MAMDC2: variants seen among roughly 807,000 people sequenced by gnomAD.
MAMDC2 encodes the protein MAM domain-containing protein 2.
Under a neutral mutation model 89.8 loss-of-function variants are expected in MAMDC2, and 57 were observed. That is an observed-to-expected ratio of 0.63 (90% confidence interval 0.51 to 0.79). The LOEUF is 0.79. Among genes scored for constraint, MAMDC2 ranks in the 30% least tolerant of loss-of-function variants. The pLI is 0.00. For missense variants in MAMDC2, 800 were observed against 820.6 expected, an observed-to-expected ratio of 0.97 and a Z score of 0.31; for synonymous variants, 313 against 293.4, an observed-to-expected ratio of 1.07 and a Z score of -0.68.
intron 6 of MAMDC2, among the ~76,000 whole-genome samples, chr9:70,130,431 C>T (rs765915081): frequency 6.6e-6 from 1 of 152,062 alleles, no homozygotes; most frequent in African/African-American, 2.4e-5. Context: ...TTCCATGCTG[C>T]GTCTTCTCAG....
chr9:70,060,134 C>T (rs60303481), intron 2 of MAMDC2, among the ~76,000 whole-genome samples: 1 of 152,110 alleles, frequency 6.6e-6, no homozygotes, highest in Non-Finnish European at 1.5e-5. Context: ...GTCTATCAAC[C>T]CTGCTGAACT....
At chr9:70,051,336 A>C (rs1826888853) in intron 2 of MAMDC2, among the ~76,000 whole-genome samples, 1 of 152,178 alleles carries the variant, frequency 6.6e-6, no homozygotes, top group African/African-American at 2.4e-5. Context: ...TCCTGGCCTG[A>C]TCCCTAATAA....
intron 2 of MAMDC2, among the ~76,000 whole-genome samples, chr9:70,044,978 G>A (rs1299579598): frequency 6.6e-6 from 1 of 152,230 alleles, no homozygotes; most frequent in African/African-American, 2.4e-5. Flanking sequence ...ACGGAGCACA[G>A]CTAATGATTG....
intron 11 of MAMDC2, among the ~76,000 whole-genome samples, chr9:70,171,413 T>C (rs1199077420): frequency 6.6e-6 from 1 of 151,946 alleles, no homozygotes; most frequent in Non-Finnish European, 1.5e-5. Flanking sequence ...GGCAGGAGGA[T>C]TGCTTGAGCC....
intron 11 of MAMDC2, among the ~76,000 whole-genome samples, chr9:70,208,878 A>G (rs2033288494): frequency 1.3e-5 from 2 of 152,266 alleles, no homozygotes; most frequent in Admixed American, 1.3e-4. Flanking sequence ...TTCTGTGTCT[A>G]TTGAGATAAT....
intron 11 of MAMDC2, among the ~76,000 whole-genome samples, chr9:70,184,266 G>T (rs957322759): frequency 1.3e-5 from 2 of 152,064 alleles, no homozygotes; most frequent in African/African-American, 4.8e-5. Flanking sequence ...AGTCTGATGG[G>T]CTTCCCTTTC....
chr9:70,044,535 C>A, intron 1 of MAMDC2, 49 bp from the exon 2 acceptor site: 1 of 1,461,810 alleles, frequency 6.8e-7, no homozygotes, highest in Non-Finnish European at 9.3e-7. Context: ...CGAGTTGGTG[C>A]AAAGGCTCCT....
chr9:70,112,434 A>G (rs1350255032), intron 4 of MAMDC2, among the ~76,000 whole-genome samples: 1 of 152,168 alleles, frequency 6.6e-6, no homozygotes, highest in East Asian at 1.9e-4. Context: ...AAAAACAGGG[A>G]ATTTTAGCAT....
intron 3 of MAMDC2, chr9:70,109,453 G>A (rs1044667084): frequency 2.6e-6 from 1 of 384,860 alleles, no homozygotes; most frequent in Admixed American, 4.4e-5. Context: ...AAAGACAGCT[G>A]ACTCTGAGCT....
In MAMDC2 at chr9:70,131,605, T is replaced by C. The variant is rs1249444025; in HGVS notation, c.987T>C (p.Asn329=). Reference sequence around the variant, plus strand: ...CATTCTCTCCTGTTCACTGCCAGAATCAGACAGGTGAGCATTCTCTATTTG... The same window carrying C: ...CATTCTCTCCTGTTCACTGCCAGAACCAGACAGGTGAGCATTCTCTATTTG... ...DISFSPVHCQ[N]QTELLFSAVE... Residue 329 remains asparagine (N), a synonymous_variant, in exon 7 of 14, where the codon AAT becomes AAC. Coordinates refer to ENST00000377182, the MANE Select transcript of MAMDC2 (RefSeq NM_153267.5). The C allele has an allele frequency of 6.2e-7, 1 of 1,606,636 alleles. No homozygotes were observed. The highest frequency in any genetic ancestry group is 1.3e-5 in the African/African-American group (1 of 74,614).
chr9:70,208,509 C>A (rs2033278489), intron 11 of MAMDC2, among the ~76,000 whole-genome samples: 2 of 152,250 alleles, frequency 1.3e-5, no homozygotes, highest in South Asian at 4.1e-4. Flanking sequence ...GCTGAAGTTG[C>A]TTATCAGCTT....
intron 11 of MAMDC2, among the ~76,000 whole-genome samples, chr9:70,200,791 G>A (rs1200659716): frequency 8.0e-5 from 12 of 150,684 alleles, no homozygotes; most frequent in Non-Finnish European, 1.5e-4. Context: ...TGGATTCCTA[G>A]GTATTGTATT....
chr9:70,208,582 G>A (rs184470546), intron 11 of MAMDC2, among the ~76,000 whole-genome samples: 1 of 152,168 alleles, frequency 6.6e-6, no homozygotes, highest in African/African-American at 2.4e-5. Flanking sequence ...TCTGCAAACA[G>A]GCACAATTTG....
chr9:70,044,509 T>C, intron 1 of MAMDC2, 75 bp from the exon 2 acceptor site: 1 of 1,180,066 alleles, frequency 8.5e-7, no homozygotes, highest in Non-Finnish European at 1.2e-6. Context: ...CACCAGGTAG[T>C]CCCCCTGGGG....
At chr9:70,155,343 A>C (rs796895564) in intron 9 of MAMDC2, among the ~76,000 whole-genome samples, 2 of 152,262 alleles carry the variant, frequency 1.3e-5, no homozygotes, top group African/African-American at 4.8e-5. Flanking sequence ...AAGGCATCCA[A>C]CACAAGCTCC....
intron 2 of MAMDC2, among the ~76,000 whole-genome samples, chr9:70,046,555 T>C (rs1296826663): frequency 6.6e-6 from 1 of 152,170 alleles, no homozygotes; most frequent in Non-Finnish European, 1.5e-5. Flanking sequence ...CTCTGGTCAG[T>C]GGGCATGCCA....
At chr9:70,204,094 G>T (rs2033165400) in intron 11 of MAMDC2, among the ~76,000 whole-genome samples, 1 of 151,998 alleles carries the variant, frequency 6.6e-6, no homozygotes, top group South Asian at 2.1e-4. Context: ...TTCTGTTGCT[G>T]GTGAGGAACT....
chr9:70,221,889 G>T (rs1352141977), intron 12 of MAMDC2, among the ~76,000 whole-genome samples: 1 of 152,130 alleles, frequency 6.6e-6, no homozygotes, highest in East Asian at 1.9e-4. Context: ...ATCCTTAGAA[G>T]GTGTGGTAAA....
At chr9:70,139,140 C>CT (rs1554674733) in intron 7 of MAMDC2, among the ~76,000 whole-genome samples, 4 of 150,444 alleles carry the variant, frequency 2.7e-5, no homozygotes, top group Non-Finnish European at 5.9e-5. Flanking sequence ...TATTATTATA[C>CT]TTTAAGTTTT....
Sources: gnomAD v4.1 joint callset for allele counts (sites outside exome capture counted in the v4.1 genomes callset) on GRCh38, gnomAD v4.1.1 for gene constraint, MANE v1.5 for transcripts, NCBI Gene and HGNC (gene_info 2026-07-23, HGNC 2026-07-21) for gene names.